ELFN1: variants seen among roughly 807,000 people sequenced by gnomAD.
ELFN1 encodes extracellular leucine rich repeat and fibronectin type III domain containing 1.
ELFN1 carries 6 observed loss-of-function variants against 7.6 expected under a neutral mutation model. The ratio of observed to expected loss-of-function variants is 0.79; its 90% confidence interval spans 0.43 to 1.56. ELFN1 has a LOEUF of 1.56. Among genes scored for constraint, ELFN1 ranks in the 40% most tolerant of loss-of-function variants. The pLI is 0.01. For missense variants in ELFN1, 1,169 were observed against 1,232.2 expected, an observed-to-expected ratio of 0.95 and a Z score of 0.77; for synonymous variants, 657 against 588.1, an observed-to-expected ratio of 1.12 and a Z score of -1.70.
intron 3 of ELFN1, among the ~76,000 whole-genome samples, chr7:1,714,429 C>T (rs984799727): frequency 7.9e-5 from 12 of 152,226 alleles, no homozygotes; most frequent in African/African-American, 2.9e-4. Flanking sequence ...TACCGCCTTC[C>T]TCTAAATCCA....
chr7:1,712,516 C>T (rs1779691350), intron 3 of ELFN1, among the ~76,000 whole-genome samples: 1 of 152,016 alleles, frequency 6.6e-6, no homozygotes, highest in African/African-American at 2.4e-5. Flanking sequence ...ACTGCAACCT[C>T]CACCTCCAAT....
chr7:1,721,792 T>G (rs1215274970), intron 3 of ELFN1, among the ~76,000 whole-genome samples: 1 of 152,158 alleles, frequency 6.6e-6, no homozygotes, highest in Non-Finnish European at 1.5e-5. Flanking sequence ...CCCCTGCCCA[T>G]GGCAGAGGGA....
At chr7:1,712,457 AG>A (rs1393696805) in intron 3 of ELFN1, among the ~76,000 whole-genome samples, 4 of 141,638 alleles carry the variant, frequency 2.8e-5, no homozygotes, top group African/African-American at 8.0e-5. Flanking sequence ...TTTGAGACGG[AG>A]TCTCGCCCTG....
At chr7:1,742,712 A>G (rs1169764203) in intron 3 of ELFN1, among the ~76,000 whole-genome samples, 1 of 152,202 alleles carries the variant, frequency 6.6e-6, no homozygotes, top group Non-Finnish European at 1.5e-5. Context: ...TAGCTCCCCG[A>G]GGCCCGCTAG....
intron 3 of ELFN1, among the ~76,000 whole-genome samples, chr7:1,722,178 C>G (rs1780042782): frequency 6.6e-6 from 1 of 151,902 alleles, no homozygotes; most frequent in African/African-American, 2.4e-5. Context: ...CTAGACTTAC[C>G]AAATCAGGAC....
chr7:1,703,403 T>A, intron 2 of ELFN1, among the ~76,000 whole-genome samples: 1 of 152,352 alleles, frequency 6.6e-6, no homozygotes, highest in South Asian at 2.1e-4. Flanking sequence ...TGCCTCCTTT[T>A]TCTTTTAAAA....
chr7:1,730,483 C>T (rs551610800), intron 3 of ELFN1, among the ~76,000 whole-genome samples: 6 of 152,278 alleles, frequency 3.9e-5, no homozygotes, highest in East Asian at 1.9e-4. Context: ...AGATAAGAAT[C>T]GGCCATGATT....
intron 2 of ELFN1, among the ~76,000 whole-genome samples, chr7:1,696,208 G>GA (rs1779305588): frequency 1.3e-5 from 2 of 151,568 alleles, no homozygotes; most frequent in South Asian, 4.2e-4. Flanking sequence ...GTGTATGTGA[G>GA]AGAGAGAGGG....
Position 1,673,042 on chromosome 7 carries a change from T to G in ELFN1, c.-549+2688T>G, listed in dbSNP as rs1323044517. On this transcript the variant is annotated intron_variant, in intron 1 of 3. Transcript: ENST00000424383. This position sits in a 1 kb window ranked among gnomAD's most constrained non-coding sequence, Gnocchi z 4.7. ...CCAGGCGTGAACCTGGAGCGGATGG[T>G]GGCACCGCCGCGGACATTGGATACA... Among the ~76,000 whole-genome samples, 2 of 151,952 alleles carry G rather than the reference T, an allele frequency of 1.3e-5. No homozygotes were observed. Among genetic ancestry groups the G allele is most frequent in the Non-Finnish European group, 2.9e-5 (2 of 67,994 alleles).
At chr7:1,711,501 C>A (rs1183614393) in intron 3 of ELFN1, among the ~76,000 whole-genome samples, 1 of 143,588 alleles carries the variant, frequency 7.0e-6, no homozygotes, top group African/African-American at 2.6e-5. Context: ...ATAGAGACTT[C>A]CAGAAAGAGG....
chr7:1,745,562 G>A lies in ELFN1; in HGVS notation c.966G>A (p.Lys322=). ...QAEARPLIKV[K]QLTQNSATIT... Reference sequence around the variant, plus strand: ...AGGCCCGCCCCCTCATCAAGGTCAAGCAGCTCACTCAGAACTCGGCCACCA... The same window carrying A: ...AGGCCCGCCCCCTCATCAAGGTCAAACAGCTCACTCAGAACTCGGCCACCA... Residue 322 remains lysine (K), a synonymous_variant, in exon 4 of 4, where the codon AAG becomes AAA. Coordinates refer to ENST00000424383, the MANE Select transcript of ELFN1 (RefSeq NM_001128636.4). 1.9e-6 allele frequency: 3 copies of A among 1,550,146 alleles called. No homozygotes were observed. The highest frequency in any genetic ancestry group is 2.4e-5 in the East Asian group (1 of 40,922).
intron 3 of ELFN1, among the ~76,000 whole-genome samples, chr7:1,737,709 G>A (rs114373151): frequency 0.012 from 1,840 of 152,172 alleles, 41 homozygotes; most frequent in African/African-American, 0.042. Flanking sequence ...CTGATGGGGG[G>A]CTCACTACCT....
upstream of ELFN1, among the ~76,000 whole-genome samples, chr7:1,670,096 A>G (rs562258717): frequency 6.4e-3 from 920 of 144,294 alleles, 15 homozygotes; most frequent in South Asian, 0.024. The surrounding 1 kb of genome is among the most constrained non-coding windows in gnomAD (Gnocchi z 6.4). Flanking sequence ...CTCGCGGCGG[A>G]GGAAGAGGGG....
intron 3 of ELFN1, among the ~76,000 whole-genome samples, chr7:1,717,102 A>T (rs1439446984): frequency 6.6e-6 from 1 of 152,196 alleles, no homozygotes; most frequent in African/African-American, 2.4e-5. Flanking sequence ...TTCTTGATGC[A>T]GCCTCTCCGT....
chr7:1,704,089 T>G (rs985655562), intron 2 of ELFN1, among the ~76,000 whole-genome samples: 1 of 152,204 alleles, frequency 6.6e-6, no homozygotes, highest in African/African-American at 2.4e-5. Flanking sequence ...GGAGGATGGT[T>G]CTGCAAGTCA....
intron 2 of ELFN1, among the ~76,000 whole-genome samples, chr7:1,703,212 T>C (rs1018361045): frequency 1.2e-4 from 18 of 152,232 alleles, no homozygotes; most frequent in Middle Eastern, 3.2e-3. Flanking sequence ...TTTGTTCCTT[T>C]ACAAATTTGT....
chr7:1,705,243 C>A lies in ELFN1; in HGVS notation c.-455-3848C>A, dbSNP rs904641553. 2.6e-5 allele frequency among the ~76,000 whole-genome samples: 4 copies of A among 152,252 alleles called. No individual in the cohort carries two copies. The highest frequency in any genetic ancestry group is 2.1e-4 in the South Asian group (1 of 4,824). On this transcript the variant is annotated intron_variant, in intron 2 of 3. Transcript: ENST00000424383. The surrounding 1 kb of genome is among the most constrained non-coding windows in gnomAD (Gnocchi z 4.3). ...CACAGCTGTGCGGGAGGCTGGGCTG[C>A]TGGCATCAGCAGGCGCCCCTCCTCC...
Position 1,746,423 on chromosome 7 carries a change from C to T in ELFN1, c.1827C>T (p.His609=), listed in dbSNP as rs563902266. 2.4e-5 allele frequency: 37 copies of T among 1,533,314 alleles called. 1 individual carries two copies. Among genetic ancestry groups the T allele is most frequent in the African/African-American group, 1.4e-4 (10 of 72,848 alleles). The allele number at this position is 1,533,314 out of a possible 1,614,324, so 95.0% of individuals were successfully genotyped here. ...TGTCCGAGCCGCTGGCCGCCAAGCA[C>T]GGCTTCCTGGCGCCCGGGTACAAGG... The part of the protein sequence containing the change: ...VLLSEPLAAK[H]GFLAPGYKDA... Residue 609 remains histidine, a synonymous_variant, in exon 4 of 4, where the codon CAC becomes CAT. Transcript: ENST00000424383.
upstream of ELFN1, among the ~76,000 whole-genome samples, chr7:1,666,473 C>A (rs187364755): frequency 6.6e-6 from 1 of 152,032 alleles, no homozygotes; most frequent in Non-Finnish European, 1.5e-5. The surrounding 1 kb of genome is among the most constrained non-coding windows in gnomAD (Gnocchi z 7.9). Flanking sequence ...CGGAGGCGGG[C>A]GCACCCGAAG....
Sources: allele counts gnomAD v4.1 joint callset (sites outside exome capture counted in the v4.1 genomes callset), GRCh38; gene constraint gnomAD v4.1.1; non-coding constraint Gnocchi (gnomAD v3.1); transcripts MANE v1.5; gene names NCBI Gene and HGNC (gene_info 2026-07-23, HGNC 2026-07-21).